Variants in FLT3LG observed in about 807,000 individuals in gnomAD.
The protein encoded by FLT3LG is fms-related tyrosine kinase 3 ligand.
A neutral mutation model predicts 30.9 loss-of-function variants in FLT3LG; 8 were observed. That is an observed-to-expected ratio of 0.26 (90% CI 0.15 to 0.47). The LOEUF (loss-of-function observed/expected upper bound fraction) is 0.47, where lower values mean the gene tolerates loss of function less well. Among genes scored for constraint, FLT3LG ranks in the 20% least tolerant of loss-of-function variants. The pLI, the probability that FLT3LG is intolerant of heterozygous loss-of-function variation, is 0.99. For synonymous variants in FLT3LG, 123 were observed against 135.9 expected (o/e 0.91, Z 0.66); for missense variants, 278 against 306.2 (o/e 0.91, Z 0.69).
intron 5 of FLT3LG, among the ~76,000 whole-genome samples, chr19:49,478,273 C>A (rs980942318): frequency 1.3e-5 from 2 of 151,628 alleles, no homozygotes; most frequent in Non-Finnish European, 2.9e-5. Flanking sequence ...CAAGACCATC[C>A]TGGCTAACAC....
rs2079307414 is a variant in FLT3LG, at chr19:49,474,598, C to T, written c.-37-5C>T. ...TCCGAGACTTGTTCTTCTGTCCCTT[C>T]CAAGACCCGGCGACAGGAGGCATGA... On this transcript the variant is annotated splice_polypyrimidine_tract_variant and splice_region_variant and intron_variant, in intron 1 of 8. Coordinates refer to ENST00000597551, the MANE Select transcript of FLT3LG (RefSeq NM_001459.4). The T allele has an allele frequency of 3.1e-6, 5 of 1,609,396 alleles. No homozygotes were observed. The highest frequency in any genetic ancestry group is 2.2e-5 in the South Asian group (2 of 90,070).
chr19:49,474,559 C>A, intron 1 of FLT3LG, 44 bp from the exon 2 acceptor site: 2 of 1,454,686 alleles, frequency 1.4e-6, no homozygotes, highest in Non-Finnish European at 1.9e-6. Context: ...AGGGCAGGGG[C>A]TGGGGCATGA....
At position 49,480,844 on chromosome 19, in the gene FLT3LG, C is replaced by T. The variant is rs373282499; in HGVS notation, c.*21+224C>T. 25 of 545,130 alleles carry T rather than the reference C, an allele frequency of 4.6e-5. 1 individual carries two copies. Among genetic ancestry groups the T allele is most frequent in the African/African-American group, 4.0e-4 (21 of 52,704 alleles). 33.8% of individuals were successfully genotyped at this position (545,130 alleles called of 1,614,324 possible). On this transcript the variant is annotated intron_variant, in intron 8 of 8. Coordinates refer to ENST00000597551, the MANE Select transcript of FLT3LG (RefSeq NM_001459.4). ...GTCAGGAGTTCAAGACCAGCCTGGC[C>T]AACATGGCAAACCCCAGTCTCTACT... is the stretch of plus-strand genomic sequence containing the variant.
chr19:49,478,762 AAAATT>A (rs1601094465), intron 5 of FLT3LG, 142 bp from the exon 6 acceptor site: 34 of 731,908 alleles, frequency 4.6e-5, no homozygotes, highest in South Asian at 2.1e-4. Flanking sequence ...ATCTCAAAAA[AAAATT>A]AATTAATTAA....
intron 5 of FLT3LG, among the ~76,000 whole-genome samples, chr19:49,478,492 G>A (rs910217166): frequency 7.3e-5 from 11 of 150,042 alleles, no homozygotes; most frequent in Admixed American, 2.7e-4. Context: ...AATAAATATG[G>A]CCAAGCACGG....
chr19:49,475,413 G>GTCAT (rs1301911227), intron 2 of FLT3LG, among the ~76,000 whole-genome samples: 3 of 150,646 alleles, frequency 2.0e-5, no homozygotes, highest in Non-Finnish European at 4.4e-5. Context: ...CAGACGTGAA[G>GTCAT]ATGAGGTGGT....
intron 8 of FLT3LG, among the ~76,000 whole-genome samples, chr19:49,483,600 G>A (rs2079688443): frequency 6.6e-6 from 1 of 151,820 alleles, no homozygotes; most frequent in Non-Finnish European, 1.5e-5. Flanking sequence ...GCACATGCCT[G>A]CAGTCCCAGC....
intron 8 of FLT3LG, chr19:49,480,882 A>C: frequency 2.2e-6 from 1 of 452,664 alleles, no homozygotes; most frequent in Non-Finnish European, 4.0e-6. Context: ...AAATACAAAA[A>C]TTAACTGGGC....
intron 8 of FLT3LG, among the ~76,000 whole-genome samples, chr19:49,482,775 G>A (rs563994796): frequency 2.0e-5 from 3 of 151,762 alleles, no homozygotes; most frequent in African/African-American, 7.2e-5. Flanking sequence ...TTACAGGCAC[G>A]CGCCATCACG....
Position 49,476,321 on chromosome 19 carries a change from C to T in FLT3LG, c.199-102C>T. 6.8e-7 allele frequency: 1 copy of T among 1,469,826 alleles called. No individual in the cohort carries two copies. Among genetic ancestry groups the T allele is most frequent in the Non-Finnish European group, 9.4e-7 (1 of 1,058,928 alleles). 91.0% of individuals were successfully genotyped at this position (1,469,826 alleles called of 1,614,324 possible). On this transcript the variant is annotated intron_variant, in intron 4 of 8. Transcript: ENST00000597551. The surrounding 1 kb of genome is among the most constrained non-coding windows in gnomAD (Gnocchi z 5.3). Reference sequence around the variant, plus strand: ...ACCCAGGAATCAGAGTCCTCAGCCCCTCCTCCCTCAGACCCAGGAGCCCCG... The same window carrying T: ...ACCCAGGAATCAGAGTCCTCAGCCCTTCCTCCCTCAGACCCAGGAGCCCCG...
chr19:49,475,736 A>T lies in FLT3LG; in HGVS notation c.79A>T (p.Thr27Ser). The T allele has an allele frequency of 6.2e-7, 1 of 1,611,490 alleles. No homozygotes were observed. The change falls in exon 3 of 9, where the codon ACC (threonine) becomes TCC (serine). Residue 27 changes from threonine (T) to serine (S), a missense_variant. Thr to Ser is a moderately conservative substitution (Grantham distance 58, BLOSUM62 1). Transcript: ENST00000597551. ...LLLLSSGLSG[T>S]QDCSFQHSPI... ...GCTGCTGAGCTCGGGACTCAGTGGGACCCAGGACTGCTCCTTCCAACACAG... is the reference window on the plus strand; with the variant it reads ...GCTGCTGAGCTCGGGACTCAGTGGGTCCCAGGACTGCTCCTTCCAACACAG...
At chr19:49,483,757 C>T (rs11878551) in intron 8 of FLT3LG, among the ~76,000 whole-genome samples, 52,307 of 150,922 alleles carry the variant, frequency 0.35, 14,805 homozygotes, top group African/African-American at 0.78. Context: ...GTTTAGAATC[C>T]CAGTTGCTAT....
At chr19:49,480,223 G>C in intron 6 of FLT3LG, 75 bp from the exon 7 acceptor site, 1 of 1,120,264 alleles carries the variant, frequency 8.9e-7, no homozygotes, top group Non-Finnish European at 1.3e-6. Context: ...CACACAGCCA[G>C]TGGCAGCCAG....
chr19:49,486,004 C>T lies in FLT3LG; in HGVS notation c.*22-11C>T, dbSNP rs1389655864. On this transcript the variant is annotated splice_polypyrimidine_tract_variant and intron_variant, in intron 8 of 8. Coordinates refer to ENST00000597551, the MANE Select transcript of FLT3LG (RefSeq NM_001459.4). The stretch of plus-strand genomic sequence containing the variant: ...CGCAGTGAGACAGACATCTATCATC[C>T]CATTTTACAGGGGAGGATACTGAGG... 1.3e-5 allele frequency: 2 copies of T among 152,374 alleles called. No individual in the cohort carries two copies. The highest frequency in any genetic ancestry group is 2.9e-5 in the Non-Finnish European group (2 of 68,060). 9.4% of individuals were successfully genotyped at this position (152,374 alleles called of 1,614,324 possible).
chr19:49,475,513 G>A (rs1193314317), intron 2 of FLT3LG, among the ~76,000 whole-genome samples, 178 bp from the exon 3 acceptor site: 1 of 152,014 alleles, frequency 6.6e-6, no homozygotes, highest in East Asian at 1.9e-4. Context: ...ACCAGAGGCA[G>A]AGAGAAACCG....
intron 6 of FLT3LG, among the ~76,000 whole-genome samples, 200 bp from the exon 7 acceptor site, chr19:49,480,098 T>C (rs1394563363): frequency 6.6e-6 from 1 of 151,974 alleles, no homozygotes; most frequent in Non-Finnish European, 1.5e-5. Context: ...GCCACCGCGC[T>C]CAGCCTATTC....
In FLT3LG at chr19:49,474,629, C is replaced by T; in HGVS notation, c.-11C>T. On this transcript the variant is annotated 5_prime_UTR_variant, in exon 2 of 9. Coordinates refer to ENST00000597551, the MANE Select transcript of FLT3LG (RefSeq NM_001459.4). ...CCCGGCGACAGGAGGCATGAGGGGC[C>T]CCCGGCCGAAATGACAGTGCTGGCG... is the stretch of plus-strand genomic sequence containing the variant. 6.2e-7 allele frequency: 1 copy of T among 1,612,596 alleles called. No individual in the cohort carries two copies. Among genetic ancestry groups the T allele is most frequent in the Non-Finnish European group, 8.5e-7 (1 of 1,179,704 alleles).
rs974919664 is a variant in FLT3LG at position 49,476,294 on chromosome 19, A to C, written c.198+96A>C. The C allele has an allele frequency of 6.9e-7, 1 of 1,450,660 alleles. No individual in the cohort carries two copies. Among genetic ancestry groups the C allele is most frequent in the Non-Finnish European group, 9.6e-7 (1 of 1,040,350 alleles). The allele number at this position is 1,450,660 out of a possible 1,614,324, so 89.9% of individuals were successfully genotyped here. A position where few individuals can be genotyped will look rare whatever the true frequency, so the allele number is the denominator to read the frequency against. ...TGGATAACCAGGCCCTCCCCTCCCC[A>C]AACCCAGGAATCAGAGTCCTCAGCC... On this transcript the variant is annotated intron_variant, in intron 4 of 8. Transcript: ENST00000597551. This position sits in a 1 kb window ranked among gnomAD's most constrained non-coding sequence, Gnocchi z 5.3.
At chr19:49,485,248 C>CTTTTTTTTTTTTTT (rs55877586) in intron 8 of FLT3LG, among the ~76,000 whole-genome samples, 1 of 121,850 alleles carries the variant, frequency 8.2e-6, no homozygotes, top group African/African-American at 3.7e-5. Flanking sequence ...TCTTTTTTTT[C>CTTTTTTTTTTTTTT]TTTTTTTTTT....
Sources: allele counts gnomAD v4.1 joint callset (sites outside exome capture counted in the v4.1 genomes callset), GRCh38; gene constraint gnomAD v4.1.1; non-coding constraint Gnocchi (gnomAD v3.1); transcripts MANE v1.5; gene names NCBI Gene and HGNC (gene_info 2026-07-23, HGNC 2026-07-21).